PUDP: variants seen among roughly 807,000 people sequenced by gnomAD.
PUDP encodes the protein pseudouridine 5'-phosphatase, also known as pseudouridine-5'-phosphatase.
PUDP carries 8 observed loss-of-function variants against 9.4 expected under a neutral mutation model. The ratio of observed to expected loss-of-function variants is 0.85; its 90% CI spans 0.50 to 1.53. The LOEUF (loss-of-function observed/expected upper bound fraction) is 1.53. Ranked by LOEUF, PUDP falls within the 40% of genes most tolerant of loss-of-function variation. The pLI, the probability that PUDP is intolerant of heterozygous loss-of-function variation, is 0.00. For missense variants in PUDP, 188 were observed against 189.7 expected (o/e 0.99, Z 0.05); for synonymous variants, 99 against 80.7 (o/e 1.23, Z -1.22).
At position 6,838,133 on chromosome X, in the gene PUDP, G is replaced by A. The variant is rs765519926; in HGVS notation, c.*248-131667C>T. Among the ~76,000 whole-genome samples the A allele has an allele frequency of 1.8e-4, 20 of 112,223 alleles. 1 individual carries two copies. In the South Asian group the frequency reaches 5.2e-3, roughly 29 times the overall value. On this transcript the variant is annotated intron_variant and NMD_transcript_variant, in intron 3 of 3. Transcript: ENST00000655425. ...TTCTGTCTGCTTTCTTATCCCCCTC[G>A]CCAGTGAGGATGTGTTAGCTACATA...
rs948693163 is a variant in PUDP at position 6,879,324 on chromosome X, C to T, written c.*247+97809G>A. Among the ~76,000 whole-genome samples the T allele has an allele frequency of 1.2e-4, 13 of 111,630 alleles. 1 individual carries two copies. Among genetic ancestry groups the T allele is most frequent in the Non-Finnish European group, 2.4e-4 (13 of 53,128 alleles). On this transcript the variant is annotated intron_variant and NMD_transcript_variant, in intron 3 of 3. Transcript: ENST00000655425. ...AGATTGGATTATGCTTGCATTAAAG[C>T]GGGATCATATGTGTTGATTTTGCAG...
chrX:6,725,487 G>A (rs774613516), upstream of PUDP, among the ~76,000 whole-genome samples: 1 of 111,496 alleles, frequency 9.0e-6, no homozygotes, highest in Non-Finnish European at 1.9e-5. Flanking sequence ...GAATATGTGG[G>A]ATTTGACTTC....
Position 6,937,500 on chromosome X carries a change from T to TA in PUDP, c.*247+39632dup, listed in dbSNP as rs1475267217. On this transcript the variant is annotated intron_variant and NMD_transcript_variant, in intron 3 of 3. Transcript: ENST00000655425. The stretch of plus-strand genomic sequence containing the variant: ...ATCAATTCAAGATGGATTAAAGACT[T>TA]AAACATTAGACCTAAAACCATAAAA... Among the ~76,000 whole-genome samples the TA allele has an allele frequency of 2.6e-3, 265 of 103,650 alleles. 3 individuals are homozygous for TA. Among genetic ancestry groups the TA allele is most frequent in the African/African-American group, 8.8e-3 (252 of 28,651 alleles). The allele number at this position is 103,650 out of a possible 115,157, so 90.0% of individuals were successfully genotyped here. A position where few individuals can be genotyped will look rare whatever the true frequency, so the allele number is the denominator to read the frequency against.
chrX:7,038,749 A>G (rs1443841772), intron 1 of PUDP, among the ~76,000 whole-genome samples: 1 of 111,876 alleles, frequency 8.9e-6, no homozygotes, highest in Non-Finnish European at 1.9e-5. Flanking sequence ...CTTCTATTAA[A>G]ACAGCAAAAA....
At chrX:6,979,829 T>C (rs748992667) in intron 1 of PUDP, among the ~76,000 whole-genome samples, 30 of 111,745 alleles carry the variant, frequency 2.7e-4, no homozygotes, top group African/African-American at 9.4e-4. Context: ...GTCAAAGCAA[T>C]TCTTTAAAAA....
At chrX:6,709,736 C>T (rs1053112246) in intron 1 of PUDP, among the ~76,000 whole-genome samples, 2 of 112,283 alleles carry the variant, frequency 1.8e-5, no homozygotes, top group South Asian at 3.7e-4. Context: ...TTGGACAATT[C>T]GCTTTTAAGT....
At chrX:7,051,766 G>A (rs755805912) in intron 3 of PUDP, among the ~76,000 whole-genome samples, 25 of 112,216 alleles carry the variant, frequency 2.2e-4, no homozygotes, top group African/African-American at 8.1e-4. Context: ...CTCTCAGGAA[G>A]ACATACACTT....
chrX:6,830,463 T>C lies in PUDP; in HGVS notation c.*248-123997A>G, dbSNP rs769231483. On this transcript the variant is annotated intron_variant and NMD_transcript_variant, in intron 3 of 3. Transcript: ENST00000655425. ...GAATCCTGAATTTGAAATGTCTTTT[T>C]TCTTTTAAAGTAGAAAAGTTAGTGA... Among the ~76,000 whole-genome samples the C allele has an allele frequency of 5.3e-5, 6 of 112,529 alleles. 1 individual carries two copies. In the East Asian group the frequency reaches 1.7e-3, roughly 31 times the overall value.
chrX:6,869,044 C>A (rs774721945), intron 3 of PUDP, among the ~76,000 whole-genome samples: 1 of 111,844 alleles, frequency 8.9e-6, no homozygotes, highest in African/African-American at 3.2e-5. Context: ...GGCATTTTAT[C>A]CCCCAGGATA....
intron 1 of PUDP, among the ~76,000 whole-genome samples, chrX:6,997,244 G>A (rs895823762): frequency 8.9e-6 from 1 of 111,877 alleles, no homozygotes; most frequent in South Asian, 3.7e-4. Context: ...AATAATCATA[G>A]TCCTTCAGAA....
intron 1 of PUDP, among the ~76,000 whole-genome samples, chrX:7,123,777 C>A (rs774603409): frequency 9.0e-6 from 1 of 111,299 alleles, no homozygotes; most frequent in East Asian, 2.8e-4. Flanking sequence ...AACCATTTCA[C>A]TAAAAAAAAC....
intron 1 of PUDP, among the ~76,000 whole-genome samples, chrX:6,986,458 A>G (rs1929104628): frequency 9.0e-6 from 1 of 111,005 alleles, no homozygotes; most frequent in Non-Finnish European, 1.9e-5. Context: ...GGCTCTTCCC[A>G]GTTATGCTTT....
intron 1 of PUDP, among the ~76,000 whole-genome samples, chrX:7,033,810 A>G (rs971868521): frequency 8.9e-6 from 1 of 112,256 alleles, no homozygotes; most frequent in Non-Finnish European, 1.9e-5. Flanking sequence ...GGTGGAAAGT[A>G]TCATGCGAAC....
Position 6,765,348 on chromosome X carries a change from C to G in PUDP, c.*248-58882G>C, listed in dbSNP as rs763992767. ...AAGAAAGCCCTGAAAATACCTAGAA[C>G]TAACCTTAACAAGAAATATGTAAAA... On this transcript the variant is annotated intron_variant and NMD_transcript_variant, in intron 3 of 3. Coordinates refer to the PUDP transcript ENST00000655425. Among the ~76,000 whole-genome samples, 17 of 111,731 alleles carry G rather than the reference C, an allele frequency of 1.5e-4. No homozygotes were observed. The Admixed American group carries it at 1.5e-3, about 10-fold the overall frequency.
chrX:6,859,849 A>G (rs1473829649), intron 3 of PUDP, among the ~76,000 whole-genome samples: 1 of 111,254 alleles, frequency 9.0e-6, no homozygotes, highest in Non-Finnish European at 1.9e-5. Flanking sequence ...CAAATTGTCC[A>G]TAAAAATACT....
chrX:6,922,013 C>T, intron 3 of PUDP, among the ~76,000 whole-genome samples: 1 of 111,191 alleles, frequency 9.0e-6, no homozygotes, highest in Admixed American at 9.6e-5. Context: ...GAAAGACAAA[C>T]ATCACATATT....
chrX:6,841,339 C>T (rs1926667235), intron 3 of PUDP, among the ~76,000 whole-genome samples: 1 of 109,930 alleles, frequency 9.1e-6, no homozygotes, highest in African/African-American at 3.3e-5. Context: ...TGCTTATAAT[C>T]CCAGCACTTT....
At chrX:6,778,821 G>C (rs1294419777) in intron 3 of PUDP, among the ~76,000 whole-genome samples, 1 of 112,374 alleles carries the variant, frequency 8.9e-6, no homozygotes, top group African/African-American at 3.2e-5. Context: ...AACGGGGAGA[G>C]CGTGCCAGCT....
chrX:6,759,450 A>G (rs944184249), intron 3 of PUDP, among the ~76,000 whole-genome samples: 5 of 111,209 alleles, frequency 4.5e-5, no homozygotes, highest in Non-Finnish European at 9.4e-5. Context: ...TTCAACTTCA[A>G]CTCTGGTGAC....
Sources: gnomAD v4.1 joint callset for allele counts (sites outside exome capture counted in the v4.1 genomes callset) on GRCh38, gnomAD v4.1.1 for gene constraint, MANE v1.5 for transcripts, NCBI Gene and HGNC (gene_info 2026-07-23, HGNC 2026-07-21) for gene names.